PIK3C2G: variants seen among roughly 807,000 people sequenced by gnomAD.
PIK3C2G encodes phosphatidylinositol-4-phosphate 3-kinase catalytic subunit type 2 gamma.
In PIK3C2G, 168 loss-of-function variants were observed where a neutral mutation model predicts 181.1. The ratio of observed to expected loss-of-function variants is 0.93; its 90% CI spans 0.82 to 1.05. The LOEUF is 1.05. Among genes scored for constraint, PIK3C2G ranks in the 50% least tolerant of loss-of-function variants. PIK3C2G has a pLI of 0.00. For missense variants in PIK3C2G, 1,869 were observed against 1,732.8 expected, an observed-to-expected ratio of 1.08 and a Z score of -1.40; for synonymous variants, 573 against 592.2, an observed-to-expected ratio of 0.97 and a Z score of 0.47.
chr12:18,622,343 G>A (rs182085987), intron 31 of PIK3C2G, among the ~76,000 whole-genome samples: 26 of 151,804 alleles, frequency 1.7e-4, no homozygotes, highest in East Asian at 1.5e-3. Flanking sequence ...TTTACTTAGC[G>A]TAATATTCTC....
At chr12:18,371,143 T>C in intron 12 of PIK3C2G, 37 bp from the exon 13 acceptor site, 1 of 1,539,094 alleles carries the variant, frequency 6.5e-7, no homozygotes, top group Non-Finnish European at 8.9e-7. Flanking sequence ...ATCAGTACAA[T>C]TGGGTAGGTA....
chr12:18,338,610 A>G, intron 9 of PIK3C2G, 62 bp downstream of exon 9: 1 of 1,161,682 alleles, frequency 8.6e-7, no homozygotes, highest in Non-Finnish European at 1.3e-6. Context: ...AATTAAGGAG[A>G]GTGAAAGACT....
the PIK3C2G span, chr12:18,719,394 T>C: frequency 1.6e-6 from 2 of 1,251,708 alleles, no homozygotes; most frequent in East Asian, 5.6e-5. Context: ...CTTCCAAGTA[T>C]TTTTAAATGT....
At chr12:18,395,226 T>C (rs1943806225) in intron 15 of PIK3C2G, among the ~76,000 whole-genome samples, 1 of 150,786 alleles carries the variant, frequency 6.6e-6, no homozygotes, top group Admixed American at 6.6e-5. Flanking sequence ...TTTAAAAATT[T>C]TGAAACATCA....
chr12:18,723,578 G>T, the PIK3C2G span: 2 of 1,483,592 alleles, frequency 1.3e-6, no homozygotes, highest in Non-Finnish European at 1.9e-6. Context: ...CACATTGTGA[G>T]TATAAAAAAT....
chr12:18,683,266 C>T, the PIK3C2G span: 5 of 1,612,514 alleles, frequency 3.1e-6, no homozygotes, highest in Non-Finnish European at 3.4e-6. Flanking sequence ...CATAAACAAA[C>T]AGTGAAGCAG....
chr12:18,537,786 A>T (rs1943937603), intron 24 of PIK3C2G, among the ~76,000 whole-genome samples: 1 of 152,006 alleles, frequency 6.6e-6, no homozygotes, highest in Non-Finnish European at 1.5e-5. Flanking sequence ...CATCTGTTCG[A>T]TCATATCAAA....
chr12:18,640,685 G>A (rs1490969130), intron 32 of PIK3C2G, 131 bp downstream of exon 32: 2 of 805,154 alleles, frequency 2.5e-6, no homozygotes, highest in Non-Finnish European at 4.0e-6. Flanking sequence ...TTCCAAAGTA[G>A]TCGCAGTATG....
chr12:18,447,612 GA>G (rs1485758406), intron 18 of PIK3C2G, among the ~76,000 whole-genome samples: 1 of 152,056 alleles, frequency 6.6e-6, no homozygotes, highest in Non-Finnish European at 1.5e-5. Context: ...GGAGTATTCT[GA>G]AAATGTTATG....
the PIK3C2G span, among the ~76,000 whole-genome samples, chr12:18,673,100 T>A: frequency 6.6e-6 from 1 of 152,166 alleles, no homozygotes; most frequent in African/African-American, 2.4e-5. Context: ...AGAAAAGTTC[T>A]AAAAATTAGT....
chr12:18,282,337 T>C lies in PIK3C2G; in HGVS notation c.256T>C (p.Leu86=). Residue 86 remains leucine (L), a synonymous_variant, in exon 2 of 33, where the codon TTG becomes CTG. Coordinates refer to ENST00000538779, the MANE Select transcript of PIK3C2G (RefSeq NM_001288772.2). ...ATTAAATGAAGCACACCAAATATCC[T>C]TGAATGAATTCACTTCTAAAAGCCG... is the stretch of plus-strand genomic sequence containing the variant. ...HSLNEAHQIS[L]NEFTSKSREL... 2 of 1,613,738 alleles carry C rather than the reference T, an allele frequency of 1.2e-6. No homozygotes were observed. The highest frequency in any genetic ancestry group is 1.7e-6 in the Non-Finnish European group (2 of 1,179,706).
rs562555905 is a variant in PIK3C2G at position 18,607,959 on chromosome 12, A to G, written c.4088-1576A>G. Among the ~76,000 whole-genome samples the G allele has an allele frequency of 7.7e-3, 1,180 of 152,330 alleles. 11 individuals are homozygous for G. The highest frequency in any genetic ancestry group is 0.027 in the African/African-American group (1,114 of 41,574). ...AAAGACACATGAAAAAATGCTCATC[A>G]TCACTGGCCATCAGAGAAATGCAAA... is the stretch of plus-strand genomic sequence containing the variant. On this transcript the variant is annotated intron_variant, in intron 30 of 32. Coordinates refer to ENST00000538779, the MANE Select transcript of PIK3C2G (RefSeq NM_001288772.2).
chr12:18,338,315 A>T (rs995093777), intron 8 of PIK3C2G, 111 bp from the exon 9 acceptor site: 39 of 808,108 alleles, frequency 4.8e-5, no homozygotes, highest in Middle Eastern at 7.3e-4. Flanking sequence ...AAAGCAAACA[A>T]GCATATTTTA....
At chr12:18,477,747 C>A (rs1307976738) in intron 18 of PIK3C2G, among the ~76,000 whole-genome samples, 1 of 152,158 alleles carries the variant, frequency 6.6e-6, no homozygotes, top group Non-Finnish European at 1.5e-5. Context: ...GAATGAATCT[C>A]ACTGTTTGTG....
chr12:18,297,688 C>T (rs1274389210), intron 5 of PIK3C2G, among the ~76,000 whole-genome samples: 1 of 151,934 alleles, frequency 6.6e-6, no homozygotes, highest in East Asian at 1.9e-4. Flanking sequence ...ATCCTCTCCC[C>T]ATCCCATACC....
At chr12:18,315,727 G>A (rs1328139451) in intron 6 of PIK3C2G, among the ~76,000 whole-genome samples, 4 of 152,136 alleles carry the variant, frequency 2.6e-5, no homozygotes, top group African/African-American at 9.7e-5. Flanking sequence ...TCATGAAACT[G>A]ACGAGCAGAG....
intron 31 of PIK3C2G, among the ~76,000 whole-genome samples, chr12:18,614,178 C>A (rs954596380): frequency 6.6e-6 from 1 of 151,860 alleles, no homozygotes; most frequent in Non-Finnish European, 1.5e-5. Context: ...TCCTTCATTC[C>A]GTGAATGAAA....
At chr12:18,563,273 G>A in intron 27 of PIK3C2G, 104 bp from the exon 28 acceptor site, 4 of 991,628 alleles carry the variant, frequency 4.0e-6, no homozygotes, top group Non-Finnish European at 4.4e-6. Flanking sequence ...ATAATGTTTT[G>A]CAGAAAGGTA....
At chr12:18,719,704 C>A in the PIK3C2G span, 1 of 1,021,760 alleles carries the variant, frequency 9.8e-7, no homozygotes, top group Non-Finnish European at 1.4e-6. Context: ...CTACATCTCA[C>A]TTGTAAACTT....
Sources: allele counts gnomAD v4.1 joint callset (sites outside exome capture counted in the v4.1 genomes callset), GRCh38; gene constraint gnomAD v4.1.1; transcripts MANE v1.5; gene names NCBI Gene and HGNC (gene_info 2026-07-23, HGNC 2026-07-21).